CARD6: variants seen among roughly 807,000 people sequenced by gnomAD.
The protein encoded by CARD6 is caspase recruitment domain family member 6, also known as caspase recruitment domain-containing protein 6.
A neutral mutation model predicts 23.6 loss-of-function variants in CARD6; 27 were observed. That is an observed-to-expected ratio of 1.14 (90% confidence interval 0.84 to 1.58). The LOEUF (loss-of-function observed/expected upper bound fraction) is 1.58, where lower values mean the gene tolerates loss of function less well. Ranked by LOEUF, CARD6 falls within the 40% of genes most tolerant of loss-of-function variation. The probability of loss-of-function intolerance (pLI) is 0.00; values close to 1 mark genes in which losing one functional copy is unlikely to be tolerated. For synonymous variants in CARD6, 397 were observed against 431.8 expected, an observed-to-expected ratio of 0.92 and a Z score of 1.00; for missense variants, 1,214 against 1,209.9, an observed-to-expected ratio of 1.00 and a Z score of -0.05.
chr5:40,853,578 C>G lies in CARD6; in HGVS notation c.2246C>G (p.Ala749Gly). 1 of 1,614,196 alleles carries G rather than the reference C, an allele frequency of 6.2e-7. No individual in the cohort carries two copies. Among genetic ancestry groups the G allele is most frequent in the South Asian group, 1.1e-5 (1 of 91,084 alleles). Residue 749 changes from alanine to glycine, a missense_variant, in exon 3 of 3, where the codon GCC becomes GGC. Ala to Gly is a moderately conservative substitution (Grantham distance 60). Transcript: ENST00000254691. ...AACTTTAACCATGTTTCCTTGAAAG[C>G]CTCCTGGGTTATGGGCCGCCCCTTT... is the stretch of plus-strand genomic sequence containing the variant. ...GGNFNHVSLK[A>G]SWVMGRPFGS...
Position 40,852,728 on chromosome 5 carries a change from T to G in CARD6, c.1396T>G (p.Ser466Ala), listed in dbSNP as rs747119387. The stretch of plus-strand genomic sequence containing the variant: ...TGTGCGTCTAGGATACTGTAGCTTC[T>G]CTAAGTCCAGAATCCTCAACACACT... ...SFVRLGYCSF[S>A]KSRILNTLLS... Residue 466 changes from serine (S) to alanine (A), a missense_variant, in exon 3 of 3, where the codon TCT becomes GCT. Coordinates refer to ENST00000254691, the MANE Select transcript of CARD6 (RefSeq NM_032587.4). 19 of 1,613,580 alleles carry G rather than the reference T, an allele frequency of 1.2e-5. No homozygotes were observed. The highest frequency in any genetic ancestry group is 4.2e-6 in the Non-Finnish European group (5 of 1,179,820).
chr5:40,842,039 C>A (rs955397961), intron 1 of CARD6, among the ~76,000 whole-genome samples: 1 of 152,120 alleles, frequency 6.6e-6, no homozygotes, highest in African/African-American at 2.4e-5. Flanking sequence ...TTTACAGTGC[C>A]AAGACCACAA....
In CARD6 at chr5:40,853,959, CAG is replaced by C. The variant is rs1561217403; in HGVS notation, c.2630_2631del (p.Glu877ValfsTer3). ...CCTCAGCAAGCTTGCACCAGGGTAA[CAG>C]AGTTAACTGAAGCAACTGGAAAACT... On this transcript the variant is annotated frameshift_variant, in exon 3 of 3. Transcript: ENST00000254691. LOFTEE classifies it low-confidence loss of function (END_TRUNC). 1 of 1,614,170 alleles carries C rather than the reference CAG, an allele frequency of 6.2e-7. No individual in the cohort carries two copies.
At position 40,851,433 on chromosome 5, in the gene CARD6, C is replaced by T. The variant is rs543399211; in HGVS notation, c.842-741C>T. On this transcript the variant is annotated intron_variant, in intron 2 of 2. Coordinates refer to ENST00000254691, the MANE Select transcript of CARD6 (RefSeq NM_032587.4). ...AAGGATGGGAAGCAAACATACTGTACCATATTGATATCTCCCCTAAAAACG... is the reference window on the plus strand; with the variant it reads ...AAGGATGGGAAGCAAACATACTGTATCATATTGATATCTCCCCTAAAAACG... Among the ~76,000 whole-genome samples, 77 of 152,220 alleles carry T rather than the reference C, an allele frequency of 5.1e-4. 3 individuals are homozygous for T. In the South Asian group the frequency reaches 0.015, roughly 30 times the overall value.
Position 40,841,452 on chromosome 5 carries a change from C to A in CARD6, c.70C>A (p.His24Asn). ...AAAAAAGTTGCTTGAAATCCTTCAA[C>A]ATGATCCTGATTCTATCTTAGACAC... ...ERKKLLEILQ[H>N]DPDSILDTLT... The change falls in exon 1 of 3, where the codon CAT (histidine) becomes AAT (asparagine). Residue 24 changes from histidine (H) to asparagine (N), a missense_variant. His to Asn is a moderately conservative substitution (Grantham distance 68). Coordinates refer to ENST00000254691, the MANE Select transcript of CARD6 (RefSeq NM_032587.4). 1 of 1,613,678 alleles carries A rather than the reference C, an allele frequency of 6.2e-7. No homozygotes were observed. Among genetic ancestry groups the A allele is most frequent in the Non-Finnish European group, 8.5e-7 (1 of 1,179,816 alleles).
Position 40,843,335 on chromosome 5 carries a change from G to T in CARD6, c.467G>T (p.Arg156Met), listed in dbSNP as rs1186317151. Residue 156 changes from arginine to methionine, a missense_variant, in exon 2 of 3, where the codon AGG (arginine) becomes ATG (methionine). By Grantham distance (91) the Arg-to-Met change is moderately conservative (BLOSUM62 -1). Transcript: ENST00000254691. ...EFFRDKKTSY[R>M]ETALSARKNE... Reference sequence around the variant, plus strand: ...TTCAGGGACAAGAAAACTAGTTATAGGGAAACAGCTTTGTCTGCCAGGAAG... The same window carrying T: ...TTCAGGGACAAGAAAACTAGTTATATGGAAACAGCTTTGTCTGCCAGGAAG... 2 of 1,614,082 alleles carry T rather than the reference G, an allele frequency of 1.2e-6. No individual in the cohort carries two copies. Among genetic ancestry groups the T allele is most frequent in the Non-Finnish European group, 1.7e-6 (2 of 1,180,028 alleles).
rs561246727 is a variant in CARD6, at chr5:40,843,364, G to A, written c.496G>A (p.Glu166Lys). 3 of 1,614,150 alleles carry A rather than the reference G, an allele frequency of 1.9e-6. No individual in the cohort carries two copies. The highest frequency in any genetic ancestry group is 2.5e-6 in the Non-Finnish European group (3 of 1,179,998). Residue 166 changes from glutamate to lysine, a missense_variant, in exon 2 of 3, where the codon GAG becomes AAG. Coordinates refer to ENST00000254691, the MANE Select transcript of CARD6 (RefSeq NM_032587.4). ...RETALSARKN[E>K]KEYDTPEVTL... ...AACAGCTTTGTCTGCCAGGAAGAAT[G>A]AGAAGGAATATGACACACCAGAAGT...
chr5:40,844,973 T>G (rs1745942335), intron 2 of CARD6, among the ~76,000 whole-genome samples: 1 of 151,640 alleles, frequency 6.6e-6, no homozygotes, highest in Admixed American at 6.6e-5. Flanking sequence ...GTTCAAGCGA[T>G]TCACCTGCCT....
At chr5:40,846,016 C>CT (rs773153473) in intron 2 of CARD6, among the ~76,000 whole-genome samples, 2,690 of 140,054 alleles carry the variant, frequency 0.019, 28 homozygotes, top group Non-Finnish European at 0.024. Flanking sequence ...GCAGTATATT[C>CT]TTTTTTTTTT....
rs2112181191 is a variant in CARD6, at chr5:40,854,586, G to A, written c.*140G>A. On this transcript the variant is annotated 3_prime_UTR_variant, in exon 3 of 3. Transcript: ENST00000254691. ...AAAGAAAGATATACATGACTGAATT[G>A]GATATCTTTGTTTGTTTGTTTGAGA... 2.8e-6 allele frequency: 2 copies of A among 703,562 alleles called. No individual in the cohort carries two copies. Among genetic ancestry groups the A allele is most frequent in the Middle Eastern group, 3.2e-4 (1 of 3,082 alleles). 43.6% of individuals were successfully genotyped at this position (703,562 alleles called of 1,614,324 possible). A position where few individuals can be genotyped will look rare whatever the true frequency, so the allele number is the denominator to read the frequency against.
intron 2 of CARD6, among the ~76,000 whole-genome samples, chr5:40,847,346 A>T (rs1745982746): frequency 6.6e-6 from 1 of 152,180 alleles, no homozygotes; most frequent in Non-Finnish European, 1.5e-5. Flanking sequence ...ACTTGTATAG[A>T]CAGTATCAAT....
chr5:40,842,970 T>C (rs1745888623), intron 1 of CARD6, among the ~76,000 whole-genome samples, 182 bp from the exon 2 acceptor site: 1 of 152,122 alleles, frequency 6.6e-6, no homozygotes. Flanking sequence ...CCCGGGAGGT[T>C]GAGGTTGCAG....
At position 40,852,928 on chromosome 5, in the gene CARD6, C is replaced by G. The variant is rs374146248; in HGVS notation, c.1596C>G (p.Leu532=). 14 of 1,614,030 alleles carry G rather than the reference C, an allele frequency of 8.7e-6. No individual in the cohort carries two copies. The highest frequency in any genetic ancestry group is 1.3e-5 in the African/African-American group (1 of 74,910). Residue 532 remains leucine (L), a synonymous_variant, in exon 3 of 3, where the codon CTC becomes CTG. Coordinates refer to ENST00000254691, the MANE Select transcript of CARD6 (RefSeq NM_032587.4). ...FFQKPVALAN[L]RGNLESFWTQ... Reference sequence around the variant, plus strand: ...AAAAGCCTGTTGCTCTGGCTAATCTCCGTGGAAATCTAGAAAGCTTTTGGA... The same window carrying G: ...AAAAGCCTGTTGCTCTGGCTAATCTGCGTGGAAATCTAGAAAGCTTTTGGA...
Position 40,854,630 on chromosome 5 carries a change from G to A in CARD6, c.*184G>A, listed in dbSNP as rs1393134504. ...TTTGAGACAGAGTTTCACTCTTGTT[G>A]CCCAGGCTGGAGTGCAATGGCACGA... On this transcript the variant is annotated 3_prime_UTR_variant, in exon 3 of 3. Transcript: ENST00000254691. 4.9e-6 allele frequency: 3 copies of A among 607,702 alleles called. No individual in the cohort carries two copies. Among genetic ancestry groups the A allele is most frequent in the Non-Finnish European group, 8.5e-6 (3 of 353,366 alleles). The allele number at this position is 607,702 out of a possible 1,614,324, so 37.6% of individuals were successfully genotyped here. A position where few individuals can be genotyped will look rare whatever the true frequency, so the allele number is the denominator to read the frequency against.
chr5:40,853,285 G>T lies in CARD6; in HGVS notation c.1953G>T (p.Arg651Ser), dbSNP rs781512982. The change falls in exon 3 of 3, where the codon AGG becomes AGT. Residue 651 changes from arginine (R) to serine (S), a missense_variant. Transcript: ENST00000254691. ...TGGAGGATATGGCCGCCCTGGCCAG[G>T]GAGCTGGGGATTCAGGTAGATGAAG... ...VSVEDMAALA[R>S]ELGIQVDEDF... 1.9e-6 allele frequency: 3 copies of T among 1,614,060 alleles called. No homozygotes were observed. Among genetic ancestry groups the T allele is most frequent in the Admixed American group, 3.3e-5 (2 of 59,996 alleles).
In CARD6 at chr5:40,854,290, A is replaced by T. The variant is rs762599068; in HGVS notation, c.2958A>T (p.Pro986=). The change falls in exon 3 of 3, where the codon CCA becomes CCT. Residue 986 remains proline (P), a synonymous_variant. Coordinates refer to ENST00000254691, the MANE Select transcript of CARD6 (RefSeq NM_032587.4). ...QSQPSQTKPS[P]CKSTQPKPSQ... ...AGCCCTCCCAAACTAAACCTTCTCC[A>T]TGCAAATCTACTCAGCCTAAGCCAA... The T allele has an allele frequency of 2.5e-6, 4 of 1,613,960 alleles. No homozygotes were observed. The African/African-American group carries it at 5.3e-5, about 22-fold the overall frequency.
chr5:40,850,835 A>AT (rs995551857), intron 2 of CARD6, among the ~76,000 whole-genome samples: 21 of 151,616 alleles, frequency 1.4e-4, no homozygotes, highest in African/African-American at 4.4e-4. Flanking sequence ...ATGTTAGCAC[A>AT]TTTTTTTAAA....
rs1226734968 is a variant in CARD6 at position 40,852,195 on chromosome 5, A to T, written c.863A>T (p.Asp288Val). ...SIEERKKVFK[D>V]VLLCLNMDRS... ...ACAGAAAGAAAAAAGGTGTTTAAAGATGTCCTGTTATGTTTGAACATGGAT... is the reference window on the plus strand; with the variant it reads ...ACAGAAAGAAAAAAGGTGTTTAAAGTTGTCCTGTTATGTTTGAACATGGAT... The change falls in exon 3 of 3, where the codon GAT (aspartate) becomes GTT (valine). Residue 288 changes from aspartate to valine, a missense_variant. Coordinates refer to ENST00000254691, the MANE Select transcript of CARD6 (RefSeq NM_032587.4). The T allele has an allele frequency of 3.7e-6, 6 of 1,608,072 alleles. No individual in the cohort carries two copies. The highest frequency in any genetic ancestry group is 5.1e-6 in the Non-Finnish European group (6 of 1,176,232).
rs116705143 is a variant in CARD6, at chr5:40,851,049, A to G, written c.842-1125A>G. Among the ~76,000 whole-genome samples the G allele has an allele frequency of 7.3e-3, 1,112 of 152,194 alleles. 17 individuals carry two copies. Among genetic ancestry groups the G allele is most frequent in the African/African-American group, 0.025 (1,052 of 41,566 alleles). Reference sequence around the variant, plus strand: ...TATCATTTATGTAAAAAAAAATAGCATGGGCTGGGCACGGTGGCTCATGCC... The same window carrying G: ...TATCATTTATGTAAAAAAAAATAGCGTGGGCTGGGCACGGTGGCTCATGCC... On this transcript the variant is annotated intron_variant, in intron 2 of 2. Coordinates refer to ENST00000254691, the MANE Select transcript of CARD6 (RefSeq NM_032587.4).
Sources: allele counts gnomAD v4.1 joint callset (sites outside exome capture counted in the v4.1 genomes callset), GRCh38; gene constraint gnomAD v4.1.1; transcripts MANE v1.5; gene names NCBI Gene and HGNC (gene_info 2026-07-23, HGNC 2026-07-21).